CSNK2A2IP: variants seen among roughly 807,000 people sequenced by gnomAD.
The protein encoded by CSNK2A2IP is casein kinase II subunit alpha'-interacting protein.
At chr3:88,381,505 C>G in the CSNK2A2IP span, among the ~76,000 whole-genome samples, 2 of 152,060 alleles carry the variant, frequency 1.3e-5, no homozygotes, top group South Asian at 2.1e-4. Context: ...GTGGTGAGGT[C>G]TTACTGGTTA....
At chr3:88,352,183 T>C in the CSNK2A2IP span, among the ~76,000 whole-genome samples, 1 of 152,164 alleles carries the variant, frequency 6.6e-6, no homozygotes, top group Non-Finnish European at 1.5e-5. Flanking sequence ...AAATGTTTTA[T>C]TGTTAGTGAG....
chr3:88,399,925 A>G, the CSNK2A2IP span: 2 of 152,238 alleles, frequency 1.3e-5, no homozygotes, highest in African/African-American at 4.8e-5. Flanking sequence ...ATTACAGACA[A>G]TGCACAATAG....
At chr3:88,379,908 A>T in the CSNK2A2IP span, among the ~76,000 whole-genome samples, 7 of 152,148 alleles carry the variant, frequency 4.6e-5, no homozygotes, top group Non-Finnish European at 1.0e-4. Flanking sequence ...GATATCAAAC[A>T]ACTTCCGCAG....
At chr3:88,366,677 G>T in the CSNK2A2IP span, among the ~76,000 whole-genome samples, 1 of 151,972 alleles carries the variant, frequency 6.6e-6, no homozygotes, top group South Asian at 2.1e-4. Context: ...TGAAGGAGGG[G>T]GAAGGCAAGG....
the CSNK2A2IP span, among the ~76,000 whole-genome samples, chr3:88,395,716 T>C: frequency 6.6e-6 from 1 of 152,206 alleles, no homozygotes. Context: ...ATTTTAACAA[T>C]ACTGAGTCTA....
the CSNK2A2IP span, among the ~76,000 whole-genome samples, chr3:88,371,157 T>C: frequency 2.8e-3 from 425 of 151,834 alleles, no homozygotes; most frequent in African/African-American, 1.0e-2. Flanking sequence ...ATAAGAAATA[T>C]GAAATAAAAT....
At chr3:88,376,142 C>A in the CSNK2A2IP span, among the ~76,000 whole-genome samples, 2 of 151,670 alleles carry the variant, frequency 1.3e-5, no homozygotes, top group East Asian at 3.9e-4. Flanking sequence ...TCATTCATTG[C>A]CACATTATTT....
the CSNK2A2IP span, among the ~76,000 whole-genome samples, chr3:88,436,619 T>A: frequency 6.6e-6 from 1 of 152,106 alleles, no homozygotes; most frequent in East Asian, 1.9e-4. Context: ...CTACATAAGT[T>A]CATAATTAAA....
chr3:88,449,820 G>GACACACACAC, the CSNK2A2IP span, among the ~76,000 whole-genome samples: 655 of 47,038 alleles, frequency 0.014, 10 homozygotes, highest in African/African-American at 0.035. Context: ...TTTATATCGA[G>GACACACACAC]ACACACACAC....
At chr3:88,441,657 G>A in the CSNK2A2IP span, among the ~76,000 whole-genome samples, 1 of 152,188 alleles carries the variant, frequency 6.6e-6, no homozygotes, top group Admixed American at 6.5e-5. Context: ...TTTTCCTTGT[G>A]TAGTTAGGTA....
chr3:88,465,482 C>A, the CSNK2A2IP span: 144 of 1,231,664 alleles, frequency 1.2e-4, no homozygotes, highest in Middle Eastern at 6.2e-4. Context: ...AATAACCAAC[C>A]TATGGCCAAA....
At chr3:88,427,306 T>C in the CSNK2A2IP span, among the ~76,000 whole-genome samples, 1 of 152,138 alleles carries the variant, frequency 6.6e-6, no homozygotes, top group African/African-American at 2.4e-5. Context: ...ATTTCTAAGC[T>C]GCAAAGCGTT....
the CSNK2A2IP span, among the ~76,000 whole-genome samples, chr3:88,363,093 C>G: frequency 6.6e-6 from 1 of 152,164 alleles, no homozygotes; most frequent in African/African-American, 2.4e-5. Flanking sequence ...CTCCCTCCCT[C>G]AAGCACAAAA....
chr3:88,376,183 A>G, the CSNK2A2IP span, among the ~76,000 whole-genome samples: 1 of 151,328 alleles, frequency 6.6e-6, no homozygotes, highest in African/African-American at 2.4e-5. Context: ...ATATTTCTAA[A>G]TATTGGTGTG....
chr3:88,455,792 G>T, the CSNK2A2IP span, among the ~76,000 whole-genome samples: 806 of 151,948 alleles, frequency 5.3e-3, 19 homozygotes, highest in Non-Finnish European at 2.8e-3. Flanking sequence ...ACATCATGGA[G>T]ATTTTTTCTA....
chr3:88,463,370 A>G, the CSNK2A2IP span, among the ~76,000 whole-genome samples: 2 of 152,058 alleles, frequency 1.3e-5, no homozygotes, highest in Admixed American at 6.6e-5. Flanking sequence ...GAAGTAGCAT[A>G]GGTCGCTTTG....
At chr3:88,391,105 G>C in the CSNK2A2IP span, among the ~76,000 whole-genome samples, 7 of 152,172 alleles carry the variant, frequency 4.6e-5, no homozygotes, top group East Asian at 1.2e-3. Flanking sequence ...TACTTAATAG[G>C]CAGCTGCAAA....
At chr3:88,407,519 A>T in the CSNK2A2IP span, among the ~76,000 whole-genome samples, 1 of 152,074 alleles carries the variant, frequency 6.6e-6, no homozygotes, top group African/African-American at 2.4e-5. Flanking sequence ...TCACTTTTGG[A>T]ATCATAGTCA....
chr3:88,450,660 A>G, the CSNK2A2IP span, among the ~76,000 whole-genome samples: 2 of 152,042 alleles, frequency 1.3e-5, no homozygotes, highest in Non-Finnish European at 2.9e-5. Context: ...TTGTGTATAT[A>G]TAGAGTACAG....
Sources: gnomAD v4.1 joint callset for allele counts (sites outside exome capture counted in the v4.1 genomes callset) on GRCh38, gnomAD v4.1.1 for gene constraint, MANE v1.5 for transcripts, NCBI Gene and HGNC (gene_info 2026-07-23, HGNC 2026-07-21) for gene names.